The following FGF14 variants were observed in gnomAD, a reference collection of about 807,000 sequenced individuals.
The protein encoded by FGF14 is fibroblast growth factor 14.
FGF14 carries 5 observed loss-of-function variants against 25.5 expected under a neutral mutation model. That is an observed-to-expected ratio of 0.20 (90% CI 0.10 to 0.41). The LOEUF (loss-of-function observed/expected upper bound fraction) is 0.41, where lower values mean the gene tolerates loss of function less well. Ranked by LOEUF, FGF14 falls within the 10% of genes least tolerant of loss-of-function variation. The pLI is 1.00. For missense variants in FGF14, 222 were observed against 320.1 expected (o/e 0.69, Z 2.34); for synonymous variants, 138 against 118.3 (o/e 1.17, Z -1.08).
chr13:102,251,899 G>A (rs953670802), intron 1 of FGF14, among the ~76,000 whole-genome samples: 1 of 152,088 alleles, frequency 6.6e-6, no homozygotes, highest in Non-Finnish European at 1.5e-5. Flanking sequence ...TGATAAATTT[G>A]AAATGAAATT....
chr13:101,819,922 G>A (rs2042028633), intron 3 of FGF14, among the ~76,000 whole-genome samples: 1 of 152,102 alleles, frequency 6.6e-6, no homozygotes, highest in Non-Finnish European at 1.5e-5. Context: ...AACAGGCTGT[G>A]TAATTAGAAA....
At chr13:101,738,929 A>G (rs1322455418) in intron 3 of FGF14, among the ~76,000 whole-genome samples, 1 of 116,144 alleles carries the variant, frequency 8.6e-6, no homozygotes, top group East Asian at 2.2e-4. Context: ...ATATATATGT[A>G]TATGTATATA....
intron 1 of FGF14, among the ~76,000 whole-genome samples, chr13:102,183,942 G>C (rs1210728292): frequency 6.6e-6 from 1 of 152,166 alleles, no homozygotes; most frequent in East Asian, 1.9e-4. Context: ...CACCCAGTTG[G>C]CTCATCATAC....
chr13:102,399,421 A>G lies in FGF14; in HGVS notation c.208+2050T>C, dbSNP rs556149651. Among the ~76,000 whole-genome samples the G allele has an allele frequency of 6.6e-5, 10 of 152,338 alleles. No individual in the cohort carries two copies. In the South Asian group the frequency reaches 1.7e-3, roughly 25 times the overall value. ...TCACAGAAAGACACAAGAAGGGTTC[A>G]AAAGACCACCATTTTTGCAGTGTAA... On this transcript the variant is annotated intron_variant, in intron 1 of 4. Coordinates refer to the FGF14 transcript ENST00000376131.
chr13:102,103,600 C>T (rs1184134131), intron 1 of FGF14, among the ~76,000 whole-genome samples: 1 of 152,024 alleles, frequency 6.6e-6, no homozygotes, highest in African/African-American at 2.4e-5. Flanking sequence ...AATGAAGCAA[C>T]ATCACATGTA....
chr13:102,264,763 C>A (rs972559907), intron 1 of FGF14, among the ~76,000 whole-genome samples: 1 of 152,046 alleles, frequency 6.6e-6, no homozygotes, highest in African/African-American at 2.4e-5. Context: ...TCAGAGGAAC[C>A]ATGACCTGTT....
chr13:101,940,199 TA>T (rs2035355305), intron 1 of FGF14, among the ~76,000 whole-genome samples: 2 of 152,130 alleles, frequency 1.3e-5, no homozygotes, highest in Admixed American at 6.5e-5. Context: ...CACACTGAAA[TA>T]GGCAGGCTGT....
Position 101,711,521 on chromosome 13 carries a change from T to G in FGF14, c.*11310A>C, listed in dbSNP as rs2034466421. 6.6e-6 allele frequency: 1 copy of G among 152,226 alleles called. No individual in the cohort carries two copies. The allele number at this position is 152,226 out of a possible 1,614,324, so 9.4% of individuals were successfully genotyped here. A position where few individuals can be genotyped will look rare whatever the true frequency, so the allele number is the denominator to read the frequency against. On this transcript the variant is annotated 3_prime_UTR_variant, in exon 5 of 5. Transcript: ENST00000376143. Reference sequence around the variant, plus strand: ...AGGAAGAAACAGCTCATTTTTAAACTACTGTATATGAAAGTTTTTGCCTGG... The same window carrying G: ...AGGAAGAAACAGCTCATTTTTAAACGACTGTATATGAAAGTTTTTGCCTGG...
At chr13:102,218,383 C>A (rs942604620) in intron 1 of FGF14, among the ~76,000 whole-genome samples, 1 of 151,974 alleles carries the variant, frequency 6.6e-6, no homozygotes, top group African/African-American at 2.4e-5. Flanking sequence ...CGTGGGAGAG[C>A]ACAGCTGGCC....
intron 1 of FGF14, among the ~76,000 whole-genome samples, chr13:102,382,860 T>G (rs1294784138): frequency 2.0e-5 from 3 of 152,138 alleles, no homozygotes; most frequent in Admixed American, 6.5e-5. Flanking sequence ...AGCCAGATAT[T>G]GAATGATTCC....
intron 1 of FGF14, among the ~76,000 whole-genome samples, chr13:102,051,639 C>T (rs559055880): frequency 2.0e-5 from 3 of 152,330 alleles, no homozygotes; most frequent in African/African-American, 7.2e-5. Flanking sequence ...ATCCCTGCAA[C>T]ATTTGCCAAC....
At chr13:101,984,229 T>C (rs941804955) in intron 1 of FGF14, among the ~76,000 whole-genome samples, 1 of 152,168 alleles carries the variant, frequency 6.6e-6, no homozygotes, top group African/African-American at 2.4e-5. Context: ...AGATTGGCAT[T>C]GTGATGCTTT....
intron 3 of FGF14, among the ~76,000 whole-genome samples, chr13:101,792,619 G>A (rs2040301842): frequency 6.6e-6 from 1 of 152,110 alleles, no homozygotes; most frequent in South Asian, 2.1e-4. Flanking sequence ...ATAAATTGTT[G>A]TTAGTTGTAA....
chr13:101,828,063 A>C (rs1470829041), intron 3 of FGF14, among the ~76,000 whole-genome samples: 1 of 152,026 alleles, frequency 6.6e-6, no homozygotes, highest in Non-Finnish European at 1.5e-5. Flanking sequence ...CAAATAAATA[A>C]TTTATACATT....
intron 1 of FGF14, among the ~76,000 whole-genome samples, chr13:101,906,689 A>G (rs1476491978): frequency 1.3e-5 from 2 of 152,156 alleles, no homozygotes; most frequent in Non-Finnish European, 2.9e-5. Flanking sequence ...TCATGTCTAT[A>G]AATTTGTTCA....
intron 3 of FGF14, among the ~76,000 whole-genome samples, chr13:101,772,477 C>G (rs1566881892): frequency 6.6e-6 from 1 of 152,016 alleles, no homozygotes; most frequent in African/African-American, 2.4e-5. Context: ...GTTGGGTGCT[C>G]TCTTTATTTT....
At chr13:102,334,812 G>C (rs2056743656) in intron 1 of FGF14, among the ~76,000 whole-genome samples, 1 of 152,142 alleles carries the variant, frequency 6.6e-6, no homozygotes, top group South Asian at 2.1e-4. Context: ...TGTGAAGGAT[G>C]TCCTAGATTT....
chr13:102,114,740 C>T (rs916451037), intron 1 of FGF14, among the ~76,000 whole-genome samples: 7 of 152,054 alleles, frequency 4.6e-5, no homozygotes, highest in African/African-American at 1.7e-4. Context: ...GAAATACAAA[C>T]ACTGCACAAC....
chr13:101,784,164 T>G (rs1034364063), intron 3 of FGF14, among the ~76,000 whole-genome samples: 1 of 152,202 alleles, frequency 6.6e-6, no homozygotes, highest in Non-Finnish European at 1.5e-5. Context: ...TAGTGCCAAA[T>G]TGATATTCCT....
Sources: allele counts gnomAD v4.1 joint callset (sites outside exome capture counted in the v4.1 genomes callset), GRCh38; gene constraint gnomAD v4.1.1; transcripts MANE v1.5; gene names NCBI Gene and HGNC (gene_info 2026-07-23, HGNC 2026-07-21).